The following SCN8A variants were observed in gnomAD, a reference collection of about 807,000 sequenced individuals.
SCN8A encodes the protein sodium voltage-gated channel alpha subunit 8.
In SCN8A, 30 loss-of-function variants were observed where a neutral mutation model predicts 184.1. The observed-to-expected ratio is 0.16, with a 90% CI of 0.12 to 0.22. SCN8A has a LOEUF of 0.22. Ranked by LOEUF, SCN8A falls within the 10% of genes least tolerant of loss-of-function variation. SCN8A has a pLI of 1.00. For missense variants in SCN8A, 1,057 were observed against 2,498.9 expected (o/e 0.42, Z 12.30); for synonymous variants, 852 against 907.0 (o/e 0.94, Z 1.09).
At chr12:51,607,600 TCCCTTGTA>T (rs1225591587) in intron 1 of SCN8A, among the ~76,000 whole-genome samples, 2 of 152,212 alleles carry the variant, frequency 1.3e-5, no homozygotes, top group African/African-American at 4.8e-5. Flanking sequence ...TTGAGGTCTG[TCCCTTGTA>T]TGCCGATTTT....
In SCN8A at chr12:51,635,622, C is replaced by T. The variant is rs543725827; in HGVS notation, c.-54-27142C>T. Among the ~76,000 whole-genome samples the T allele has an allele frequency of 3.9e-5, 6 of 152,128 alleles. No individual in the cohort carries two copies. In the South Asian group the frequency reaches 1.0e-3, roughly 26 times the overall value. On this transcript the variant is annotated intron_variant, in intron 1 of 26. Coordinates refer to ENST00000627620, the MANE Select transcript of SCN8A (RefSeq NM_001330260.2). ...TGAGTAATAAGATGTGAGTAATTCTCTCTGGAACTCTTAAGTGGAAAAGTG... is the reference window on the plus strand; with the variant it reads ...TGAGTAATAAGATGTGAGTAATTCTTTCTGGAACTCTTAAGTGGAAAAGTG...
rs532862438 is a variant in SCN8A at position 51,785,726 on chromosome 12, T to A, written c.3943-816T>A. 7.0e-4 allele frequency among the ~76,000 whole-genome samples: 107 copies of A among 152,316 alleles called. No individual in the cohort carries two copies. In the Middle Eastern group the frequency reaches 0.014, roughly 19 times the overall value. ...CTTTTTAACAATATGCCAATTTTTT[T>A]AGTTTCAAGAGCAGTAATGATCTAA... On this transcript the variant is annotated intron_variant, in intron 21 of 26. Transcript: ENST00000627620.
intron 1 of SCN8A, among the ~76,000 whole-genome samples, chr12:51,637,281 T>C (rs1427043542): frequency 6.6e-6 from 1 of 152,176 alleles, no homozygotes; most frequent in East Asian, 1.9e-4. Context: ...CTAATAGCCT[T>C]ACATGGCCTC....
intron 2 of SCN8A, among the ~76,000 whole-genome samples, chr12:51,665,564 A>G (rs1305240786): frequency 6.6e-6 from 1 of 152,202 alleles, no homozygotes; most frequent in Non-Finnish European, 1.5e-5. Context: ...AATGAAGGAT[A>G]TTTTACTTGA....
chr12:51,728,622 C>G (rs1173696179), intron 12 of SCN8A, among the ~76,000 whole-genome samples: 5 of 151,614 alleles, frequency 3.3e-5, no homozygotes, highest in Non-Finnish European at 5.9e-5. Flanking sequence ...TTAGTCCCAG[C>G]TACTTGGGAG....
intron 11 of SCN8A, chr12:51,713,007 C>A: frequency 6.3e-7 from 1 of 1,579,048 alleles, no homozygotes. Context: ...TAGAAAGGGC[C>A]TTTTTCACTT....
At position 51,706,415 on chromosome 12, in the gene SCN8A, T is replaced by C; in HGVS notation, c.1342-7T>C. The C allele has an allele frequency of 1.3e-6, 2 of 1,564,026 alleles. No homozygotes were observed. Among genetic ancestry groups the C allele is most frequent in the Non-Finnish European group, 1.7e-6 (2 of 1,157,696 alleles). ...GTCTGGCTTCCCTGCTGTGGCTTCT[T>C]TCCTAGGCTGCTGCGATGGCCACTT... On this transcript the variant is annotated splice_region_variant and splice_polypyrimidine_tract_variant and intron_variant, in intron 10 of 26. Coordinates refer to ENST00000627620, the MANE Select transcript of SCN8A (RefSeq NM_001330260.2).
At chr12:51,699,830 C>G in intron 7 of SCN8A, 39 bp downstream of exon 7, 1 of 1,543,586 alleles carries the variant, frequency 6.5e-7, no homozygotes, top group Non-Finnish European at 8.9e-7. Context: ...TAGGAAAAGT[C>G]TATTCCTAGT....
intron 19 of SCN8A, among the ~76,000 whole-genome samples, chr12:51,772,292 G>C (rs1024331174): frequency 6.6e-6 from 1 of 152,028 alleles, no homozygotes; most frequent in Non-Finnish European, 1.5e-5. Flanking sequence ...CTACTCAGGA[G>C]GCTGAGGCAG....
chr12:51,774,129 G>A lies in SCN8A; in HGVS notation c.3646-60G>A, dbSNP rs1002152607. On this transcript the variant is annotated intron_variant, in intron 19 of 26. Transcript: ENST00000627620. Reference sequence around the variant, plus strand: ...GGGACGGCTCCCTGAGGATAGCAGTGCTCCCTGTGGCCTGCTTGCCTTTAG... The same window carrying A: ...GGGACGGCTCCCTGAGGATAGCAGTACTCCCTGTGGCCTGCTTGCCTTTAG... 2.6e-6 allele frequency: 4 copies of A among 1,531,450 alleles called. No individual in the cohort carries two copies. In the South Asian group the frequency reaches 4.7e-5, roughly 18 times the overall value. The allele number at this position is 1,531,450 out of a possible 1,614,324, so 94.9% of individuals were successfully genotyped here.
At chr12:51,623,639 G>A (rs1017837416) in intron 1 of SCN8A, among the ~76,000 whole-genome samples, 1 of 152,000 alleles carries the variant, frequency 6.6e-6, no homozygotes, top group Non-Finnish European at 1.5e-5. Flanking sequence ...TATACTTTAA[G>A]TTTTAGGGTA....
rs115973420 is a variant in SCN8A, at chr12:51,657,852, C to T, written c.-54-4912C>T. Among the ~76,000 whole-genome samples, 1,254 of 152,170 alleles carry T rather than the reference C, an allele frequency of 8.2e-3. 11 individuals are homozygous for T. The highest frequency in any genetic ancestry group is 0.015 in the Non-Finnish European group (1,047 of 67,952). On this transcript the variant is annotated intron_variant, in intron 1 of 26. Coordinates refer to ENST00000627620, the MANE Select transcript of SCN8A (RefSeq NM_001330260.2). ...TCTGCATATGGTTATCCAGTTTTCC[C>T]GGCACCATTTATTGAAGAAATTATC...
chr12:51,797,450 G>C (rs1177980547), intron 26 of SCN8A, among the ~76,000 whole-genome samples: 1 of 152,162 alleles, frequency 6.6e-6, no homozygotes, highest in Non-Finnish European at 1.5e-5. Context: ...TCTGCAACTG[G>C]TCACGTGGTC....
At chr12:51,705,881 GA>G (rs886899030) in intron 10 of SCN8A, among the ~76,000 whole-genome samples, 10 of 152,152 alleles carry the variant, frequency 6.6e-5, no homozygotes, top group African/African-American at 2.4e-4. Context: ...TGACTGGGAA[GA>G]AAAAAGTGAC....
intron 1 of SCN8A, among the ~76,000 whole-genome samples, chr12:51,615,578 G>T (rs961686666): frequency 2.6e-5 from 4 of 151,810 alleles, no homozygotes; most frequent in Non-Finnish European, 5.9e-5. Flanking sequence ...AAAAAAAAAT[G>T]TTAGTACCGT....
intron 6 of SCN8A, among the ~76,000 whole-genome samples, chr12:51,692,003 C>T (rs898538040): frequency 6.6e-6 from 1 of 152,174 alleles, no homozygotes; most frequent in Non-Finnish European, 1.5e-5. Flanking sequence ...GGAAGTATGT[C>T]ATTTTGATTC....
intron 1 of SCN8A, among the ~76,000 whole-genome samples, chr12:51,652,535 C>T (rs537632428): frequency 5.3e-5 from 8 of 152,316 alleles, no homozygotes; most frequent in African/African-American, 1.7e-4. Context: ...CAGGGCTTTG[C>T]GTTCCTGATG....
In SCN8A at chr12:51,809,667, T is replaced by G. The variant is rs1324223337; in HGVS notation, c.*2238T>G. On this transcript the variant is annotated 3_prime_UTR_variant, in exon 27 of 27. Transcript: ENST00000627620. ...ACAGCACAAAACAGAAGCTGACATG[T>G]GTGGTTATTCTTTTTAAGAGAATTA... 2 of 152,268 alleles carry G rather than the reference T, an allele frequency of 1.3e-5. No individual in the cohort carries two copies. The highest frequency in any genetic ancestry group is 4.8e-5 in the African/African-American group (2 of 41,470). The allele number at this position is 152,268 out of a possible 1,614,324, so 9.4% of individuals were successfully genotyped here.
At chr12:51,740,169 G>A (rs756034383) in intron 12 of SCN8A, among the ~76,000 whole-genome samples, 3 of 152,294 alleles carry the variant, frequency 2.0e-5, no homozygotes, top group African/African-American at 7.2e-5. Context: ...TTCCAGCTTG[G>A]GCGTTAGGGC....
Sources: allele counts gnomAD v4.1 joint callset (sites outside exome capture counted in the v4.1 genomes callset), GRCh38; gene constraint gnomAD v4.1.1; transcripts MANE v1.5; gene names NCBI Gene and HGNC (gene_info 2026-07-23, HGNC 2026-07-21).